The following SLA variants were observed in gnomAD, a reference collection of about 807,000 sequenced individuals.
SLA encodes Src like adaptor, also known as src-like-adapter.
In SLA, 16 loss-of-function variants were observed where a neutral mutation model predicts 30.3. The observed-to-expected ratio is 0.53, with a 90% CI of 0.36 to 0.80. SLA has a LOEUF of 0.80. Among genes scored for constraint, SLA ranks in the 30% least tolerant of loss-of-function variants. The probability of loss-of-function intolerance (pLI) is 0.01; values close to 1 mark genes in which losing one functional copy is unlikely to be tolerated. For synonymous variants in SLA, 143 were observed against 137.8 expected, an observed-to-expected ratio of 1.04 and a Z score of -0.26; for missense variants, 310 against 345.2, an observed-to-expected ratio of 0.90 and a Z score of 0.81.
intron 2 of SLA, among the ~76,000 whole-genome samples, chr8:133,069,202 C>A (rs1843568999): frequency 6.6e-6 from 1 of 152,254 alleles, no homozygotes; most frequent in Non-Finnish European, 1.5e-5. Flanking sequence ...ACTATAAAGT[C>A]CGTGATTTCT....
At chr8:133,092,156 G>T (rs574979146) in intron 1 of SLA, among the ~76,000 whole-genome samples, 2 of 152,224 alleles carry the variant, frequency 1.3e-5, no homozygotes, top group Non-Finnish European at 2.9e-5. Flanking sequence ...CCTCTGAGAA[G>T]TGGTACCAAT....
intron 5 of SLA, chr8:133,048,999 A>T (rs1839948303): frequency 2.9e-6 from 1 of 345,638 alleles, no homozygotes; most frequent in Non-Finnish European, 5.9e-6. Flanking sequence ...TTCCATTTCC[A>T]ATGTGCTTTG....
intron 2 of SLA, chr8:133,060,422 G>T: frequency 6.8e-7 from 1 of 1,465,626 alleles, no homozygotes. Flanking sequence ...GAGGGAAGTT[G>T]CTAGCAAATG....
chr8:133,055,493 A>G (rs571472235), intron 3 of SLA, among the ~76,000 whole-genome samples: 1 of 152,138 alleles, frequency 6.6e-6, no homozygotes, highest in Non-Finnish European at 1.5e-5. Context: ...GTCACCATGA[A>G]CCAGGCTTGT....
rs141671484 is a variant in SLA at position 133,041,196 on chromosome 8, G to C, written c.485-1066C>G. Among the ~76,000 whole-genome samples, 601 of 152,346 alleles carry C rather than the reference G, an allele frequency of 3.9e-3. 6 individuals are homozygous for C. Among genetic ancestry groups the C allele is most frequent in the African/African-American group, 0.014 (570 of 41,582 alleles). On this transcript the variant is annotated intron_variant, in intron 7 of 8. Transcript: ENST00000338087. ...TGCCACTGGCCTCCGGCAGGGCTAA[G>C]CCACCCCTGGCCTCAGAGCCAATCC... is the stretch of plus-strand genomic sequence containing the variant.
At chr8:133,085,171 C>T (rs185881602) in intron 1 of SLA, among the ~76,000 whole-genome samples, 110 of 152,172 alleles carry the variant, frequency 7.2e-4, no homozygotes, top group African/African-American at 2.6e-3. Context: ...AAAAATATAC[C>T]AAGGTATAAT....
At chr8:133,093,704 A>T (rs1847948505) in intron 1 of SLA, among the ~76,000 whole-genome samples, 1 of 152,126 alleles carries the variant, frequency 6.6e-6, no homozygotes, top group South Asian at 2.1e-4. Context: ...CTTGAGCTTG[A>T]CAATAAACAG....
intron 7 of SLA, 165 bp from the exon 8 acceptor site, chr8:133,040,295 C>T (rs1837973461): frequency 7.1e-6 from 5 of 704,664 alleles, no homozygotes; most frequent in Non-Finnish European, 4.7e-6. Context: ...CTGAAAGTCA[C>T]GCGCCCAGCT....
In SLA at chr8:133,039,884, C is replaced by G. The variant is rs1481939477; in HGVS notation, c.617+114G>C. ...CCAGTTTCAGCAGGGCTGGCTGACTCTGGCCATGGTTTTCATGTGCTCGGC... is the reference window on the plus strand; with the variant it reads ...CCAGTTTCAGCAGGGCTGGCTGACTGTGGCCATGGTTTTCATGTGCTCGGC... On this transcript the variant is annotated intron_variant, in intron 8 of 8. Transcript: ENST00000338087. 6.8e-6 allele frequency: 10 copies of G among 1,472,458 alleles called. No homozygotes were observed. In the South Asian group the frequency reaches 8.1e-5, roughly 12 times the overall value. 91.2% of individuals were successfully genotyped at this position (1,472,458 alleles called of 1,614,324 possible).
intron 8 of SLA, 31 bp downstream of exon 8, chr8:133,039,953 GCACACACACACACA>G (rs3835182): frequency 7.7e-6 from 11 of 1,433,552 alleles, no homozygotes; most frequent in Non-Finnish European, 1.0e-5. Context: ...GCACTTGCAT[GCACACACACACACA>G]CACACACACA....
At chr8:133,091,286 C>T (rs1194412683) in intron 1 of SLA, among the ~76,000 whole-genome samples, 1 of 152,218 alleles carries the variant, frequency 6.6e-6, no homozygotes, top group Non-Finnish European at 1.5e-5. Context: ...GGCTTCCCAT[C>T]CTTCCCCTCT....
chr8:133,090,871 C>T (rs1447682943), intron 1 of SLA, among the ~76,000 whole-genome samples: 1 of 152,086 alleles, frequency 6.6e-6, no homozygotes, highest in Non-Finnish European at 1.5e-5. Flanking sequence ...GGCCTCACCC[C>T]GCACCCCCCG....
chr8:133,078,075 C>T (rs1237965540), intron 1 of SLA, among the ~76,000 whole-genome samples: 1 of 152,150 alleles, frequency 6.6e-6, no homozygotes, highest in African/African-American at 2.4e-5. Context: ...CTCTGCAGCA[C>T]GTCTGCCTGT....
intron 1 of SLA, among the ~76,000 whole-genome samples, chr8:133,085,119 G>A (rs558844150): frequency 2.0e-5 from 3 of 152,242 alleles, no homozygotes; most frequent in South Asian, 2.1e-4. Flanking sequence ...TCTTTCCTCC[G>A]TGTGTAGACA....
intron 1 of SLA, among the ~76,000 whole-genome samples, chr8:133,086,690 A>T (rs1846617844): frequency 1.3e-5 from 2 of 152,242 alleles, no homozygotes; most frequent in Admixed American, 1.3e-4. Flanking sequence ...AATAGCCATC[A>T]TTTATTAAAT....
chr8:133,077,853 A>G (rs1845146062), intron 1 of SLA, among the ~76,000 whole-genome samples: 1 of 151,972 alleles, frequency 6.6e-6, no homozygotes, highest in African/African-American at 2.4e-5. Context: ...GACCCCCTAG[A>G]CAGCAGGAGC....
chr8:133,101,083 G>T (rs1462790935), intron 1 of SLA, among the ~76,000 whole-genome samples: 1 of 152,110 alleles, frequency 6.6e-6, no homozygotes, highest in East Asian at 1.9e-4. Context: ...GGGCAGGAGT[G>T]GGGAGGGTGG....
At chr8:133,077,679 C>T (rs928543682) in intron 1 of SLA, among the ~76,000 whole-genome samples, 4 of 151,988 alleles carry the variant, frequency 2.6e-5, no homozygotes, top group South Asian at 2.1e-4. Context: ...TAACCCCAAG[C>T]GGGGTCTCAG....
chr8:133,046,334 A>C (rs535697370), intron 6 of SLA: 1 of 152,388 alleles, frequency 6.6e-6, no homozygotes, highest in East Asian at 1.9e-4. Flanking sequence ...AGATGGGAAA[A>C]CAGAGGCCTA....
Sources: gnomAD v4.1 joint callset for allele counts (sites outside exome capture counted in the v4.1 genomes callset) on GRCh38, gnomAD v4.1.1 for gene constraint, MANE v1.5 for transcripts, NCBI Gene and HGNC (gene_info 2026-07-23, HGNC 2026-07-21) for gene names.